The following CACNA1C variants were observed in gnomAD, a reference collection of about 807,000 sequenced individuals.
The protein encoded by CACNA1C is calcium voltage-gated channel subunit alpha1 C.
In CACNA1C, 30 loss-of-function variants were observed where a neutral mutation model predicts 229.0. That is an observed-to-expected ratio of 0.13 (90% CI 0.10 to 0.18). The LOEUF is 0.18. CACNA1C is among the 10% of genes least tolerant of loss of function. CACNA1C has a pLI of 1.00. For missense variants in CACNA1C, 1,658 were observed against 2,845.0 expected, an observed-to-expected ratio of 0.58 and a Z score of 9.49; for synonymous variants, 1,114 against 1,132.5, an observed-to-expected ratio of 0.98 and a Z score of 0.33.
At chr12:2,384,004 T>C (rs571234080) in intron 3 of CACNA1C, among the ~76,000 whole-genome samples, 5 of 152,324 alleles carry the variant, frequency 3.3e-5, no homozygotes, top group African/African-American at 1.2e-4. Context: ...CTTGAGAGGT[T>C]GTGAATGCAT....
intron 3 of CACNA1C, among the ~76,000 whole-genome samples, chr12:2,196,408 TGATAA>T (rs1400343465): frequency 6.6e-6 from 1 of 152,248 alleles, no homozygotes; most frequent in Non-Finnish European, 1.5e-5. Context: ...AAATGAGGCC[TGATAA>T]GATATTTTGA....
intron 9 of CACNA1C, chr12:2,547,607 T>G (rs2099883984): frequency 1.3e-6 from 1 of 748,668 alleles, no homozygotes; most frequent in African/African-American, 1.7e-5. Context: ...CTTGATGGCT[T>G]GTGCCGCAGT....
intron 3 of CACNA1C, among the ~76,000 whole-genome samples, chr12:2,320,099 G>T (rs1037901793): frequency 6.6e-6 from 1 of 152,156 alleles, no homozygotes; most frequent in Non-Finnish European, 1.5e-5. Context: ...AGGCCATTGG[G>T]TGTGTCCCCT....
chr12:2,038,769 GGTATTTCT>G (rs1303652091), intron 1 of CACNA1C, among the ~76,000 whole-genome samples: 1 of 152,084 alleles, frequency 6.6e-6, no homozygotes, highest in African/African-American at 2.4e-5. Context: ...TGGCTTACAT[GGTATTTCT>G]CCTTTTTATT....
Position 2,585,766 on chromosome 12 carries a change from C to A in CACNA1C, c.2461-69C>A, listed in dbSNP as rs2062179462. 6 of 1,186,556 alleles carry A rather than the reference C, an allele frequency of 5.1e-6. No individual in the cohort carries two copies. Among genetic ancestry groups the A allele is most frequent in the Admixed American group, 3.8e-5 (2 of 51,950 alleles). 73.5% of individuals were successfully genotyped at this position (1,186,556 alleles called of 1,614,324 possible). ...CACTGACTAAAATGCAACTTCAAGG[C>A]TACTGCAAGCCTCTTAACTTGGGGA... is the stretch of plus-strand genomic sequence containing the variant. On this transcript the variant is annotated intron_variant, in intron 17 of 46. Transcript: ENST00000399655. The surrounding 1 kb of genome is among the most constrained non-coding windows in gnomAD (Gnocchi z 4.1).
rs2096134129 is a variant in CACNA1C, at chr12:2,666,689, T to A, written c.4530T>A (p.Gly1510=). The A allele has an allele frequency of 6.3e-7, 1 of 1,584,820 alleles. No individual in the cohort carries two copies. The highest frequency in any genetic ancestry group is 1.2e-5 in the South Asian group (1 of 86,536). Residue 1510 remains glycine, a synonymous_variant, in exon 37 of 47, where the codon GGT becomes GGA. Coordinates refer to ENST00000399655, the MANE Select transcript of CACNA1C (RefSeq NM_000719.7). This position sits in a 1 kb window ranked among gnomAD's most constrained non-coding sequence, Gnocchi z 5.3. ...CCTCCTCTCCCTCCTCTTCTAGGGG[T>A]CGTATCAAACACCTGGATGTGGTGA... The part of the protein sequence containing the change: ...IWAEYDPEAK[G]RIKHLDVVTL...
intron 10 of CACNA1C, among the ~76,000 whole-genome samples, chr12:2,551,561 T>A (rs978692766): frequency 3.9e-5 from 6 of 152,096 alleles, no homozygotes; most frequent in African/African-American, 1.4e-4. Flanking sequence ...CAGACAATGA[T>A]GAGCCAAGAC....
chr12:2,298,367 C>T (rs867753264), intron 3 of CACNA1C, among the ~76,000 whole-genome samples: 2 of 152,060 alleles, frequency 1.3e-5, no homozygotes, highest in African/African-American at 2.4e-5. Flanking sequence ...GGCACAATCT[C>T]GGCTCACCGC....
At chr12:2,456,462 C>T (rs188984022) in intron 4 of CACNA1C, among the ~76,000 whole-genome samples, 2 of 152,214 alleles carry the variant, frequency 1.3e-5, no homozygotes, top group African/African-American at 2.4e-5. Context: ...TACCAGCACC[C>T]GGTGGGGTTC....
chr12:2,007,821 C>G (rs2043725970), intron 1 of CACNA1C, among the ~76,000 whole-genome samples: 1 of 152,192 alleles, frequency 6.6e-6, no homozygotes, highest in Admixed American at 6.5e-5. Flanking sequence ...AAACTCACCT[C>G]CTGTCTTCTC....
intron 3 of CACNA1C, among the ~76,000 whole-genome samples, chr12:2,372,741 T>G (rs1315820411): frequency 6.6e-6 from 1 of 152,180 alleles, no homozygotes; most frequent in East Asian, 1.9e-4. Flanking sequence ...GGCCCATCCA[T>G]CCGTTAGCCT....
intron 3 of CACNA1C, among the ~76,000 whole-genome samples, chr12:2,257,658 C>T (rs947944326): frequency 1.6e-4 from 25 of 152,226 alleles, no homozygotes; most frequent in African/African-American, 2.7e-4. Flanking sequence ...TGGGGACCCC[C>T]GCTCTAGCGT....
intron 3 of CACNA1C, among the ~76,000 whole-genome samples, chr12:2,440,840 A>G (rs971578683): frequency 6.6e-6 from 1 of 152,022 alleles, no homozygotes; most frequent in African/African-American, 2.4e-5. Flanking sequence ...ACATTCTCCA[A>G]CTCATCGATG....
intron 3 of CACNA1C, among the ~76,000 whole-genome samples, chr12:2,248,717 AAGAC>A (rs2074344735): frequency 6.6e-6 from 1 of 152,252 alleles, no homozygotes; most frequent in Admixed American, 6.5e-5. Context: ...AAGTAACCGA[AAGAC>A]AGGAGCGGAT....
chr12:2,207,144 A>G (rs1046471646), intron 3 of CACNA1C, among the ~76,000 whole-genome samples: 3 of 152,212 alleles, frequency 2.0e-5, no homozygotes, highest in Non-Finnish European at 2.9e-5. Flanking sequence ...AAGGCAAGGC[A>G]TCTTGGCTAC....
chr12:1,974,445 G>A (rs150275978), intron 1 of CACNA1C, among the ~76,000 whole-genome samples: 5 of 152,058 alleles, frequency 3.3e-5, no homozygotes, highest in African/African-American at 4.8e-5. Context: ...TGTATATTTC[G>A]ATTGATCCAG....
intron 43 of CACNA1C, among the ~76,000 whole-genome samples, chr12:2,683,309 C>A (rs1449008309): frequency 1.3e-5 from 2 of 152,194 alleles, no homozygotes; most frequent in Admixed American, 6.5e-5. Context: ...CTGGGAAACA[C>A]TTGCTTAATT....
At chr12:2,144,875 G>A (rs1195108528) in intron 3 of CACNA1C, among the ~76,000 whole-genome samples, 1 of 151,244 alleles carries the variant, frequency 6.6e-6, no homozygotes, top group Non-Finnish European at 1.5e-5. Flanking sequence ...ATCTTCATGG[G>A]GAGTAGATTG....
chr12:2,182,507 C>T (rs574656308), intron 3 of CACNA1C, among the ~76,000 whole-genome samples: 5 of 152,110 alleles, frequency 3.3e-5, no homozygotes, highest in South Asian at 2.1e-4. Flanking sequence ...TGTCGGGGGT[C>T]GCTGGTATCT....
Sources: gnomAD v4.1 joint callset for allele counts (sites outside exome capture counted in the v4.1 genomes callset) on GRCh38, gnomAD v4.1.1 for gene constraint, Gnocchi (gnomAD v3.1) non-coding constraint, MANE v1.5 for transcripts, NCBI Gene and HGNC (gene_info 2026-07-23, HGNC 2026-07-21) for gene names.